Variants in ATP11A observed in about 807,000 individuals in gnomAD.
ATP11A encodes the protein phospholipid-transporting ATPase IH.
Under a neutral mutation model 154.4 loss-of-function variants are expected in ATP11A, and 81 were observed. That is an observed-to-expected ratio of 0.52 (90% confidence interval 0.44 to 0.63). ATP11A has a LOEUF of 0.63. ATP11A is among the 30% of genes least tolerant of loss of function. The pLI is 0.00. For missense variants in ATP11A, 1,316 were observed against 1,474.3 expected, an observed-to-expected ratio of 0.89 and a Z score of 1.76; for synonymous variants, 623 against 585.9, an observed-to-expected ratio of 1.06 and a Z score of -0.91.
intron 1 of ATP11A, among the ~76,000 whole-genome samples, chr13:112,698,748 CA>C (rs1206510705): frequency 1.7e-5 from 1 of 58,950 alleles, no homozygotes; most frequent in African/African-American, 3.0e-5. Context: ...GACAAGGTCT[CA>C]CTCTGTCACC....
At chr13:112,846,470 G>A (rs972163917) in intron 17 of ATP11A, among the ~76,000 whole-genome samples, 5 of 152,152 alleles carry the variant, frequency 3.3e-5, no homozygotes, top group Non-Finnish European at 7.3e-5. Flanking sequence ...TTCCGCCAGC[G>A]TGGTTTTGTA....
chr13:112,863,243 C>A (rs879129160), intron 25 of ATP11A, among the ~76,000 whole-genome samples: 1 of 140,332 alleles, frequency 7.1e-6, no homozygotes, highest in Non-Finnish European at 1.6e-5. Context: ...CCATCACCAC[C>A]TGCGCAGTAA....
intron 1 of ATP11A, among the ~76,000 whole-genome samples, chr13:112,721,371 C>T (rs902902020): frequency 2.6e-5 from 4 of 152,206 alleles, no homozygotes; most frequent in African/African-American, 4.8e-5. Context: ...AAAGAGAAAA[C>T]GTACCTTTGC....
At chr13:112,717,817 C>T (rs1888649731) in intron 1 of ATP11A, 1 of 152,292 alleles carries the variant, frequency 6.6e-6, no homozygotes, top group South Asian at 2.1e-4. Flanking sequence ...CGGCTCACGC[C>T]TGTAACCCCA....
At chr13:112,707,242 C>T (rs1887238582) in intron 1 of ATP11A, among the ~76,000 whole-genome samples, 1 of 152,054 alleles carries the variant, frequency 6.6e-6, no homozygotes, top group African/African-American at 2.4e-5. Flanking sequence ...ATGGTGAAAC[C>T]TTGTCTCTAC....
At chr13:112,694,380 G>T (rs1885542642) in intron 1 of ATP11A, among the ~76,000 whole-genome samples, 1 of 152,222 alleles carries the variant, frequency 6.6e-6, no homozygotes, top group Non-Finnish European at 1.5e-5. Context: ...TGGGCTGCCA[G>T]TGCTGCTGCT....
At chr13:112,864,281 T>A (rs2080237058) in intron 25 of ATP11A, among the ~76,000 whole-genome samples, 2 of 107,600 alleles carry the variant, frequency 1.9e-5, no homozygotes, top group South Asian at 6.9e-4. Flanking sequence ...TGCGCAGTAA[T>A]TCAGTGCGGC....
intron 1 of ATP11A, among the ~76,000 whole-genome samples, chr13:112,752,935 G>T (rs926361054): frequency 7.9e-5 from 12 of 152,148 alleles, no homozygotes; most frequent in African/African-American, 2.7e-4. Context: ...GTTAATGGAG[G>T]GACTGGCTGT....
intron 2 of ATP11A, among the ~76,000 whole-genome samples, chr13:112,793,204 CCTTT>C (rs2077906333): frequency 6.6e-6 from 1 of 151,856 alleles, no homozygotes; most frequent in Admixed American, 6.6e-5. Context: ...AGCCAGGGGC[CCTTT>C]CTTTTCATTT....
intron 16 of ATP11A, among the ~76,000 whole-genome samples, chr13:112,841,961 A>G (rs926975866): frequency 2.0e-5 from 3 of 152,196 alleles, no homozygotes; most frequent in Non-Finnish European, 2.9e-5. Flanking sequence ...GGTCACCCCA[A>G]CGCCCGTCCC....
intron 1 of ATP11A, among the ~76,000 whole-genome samples, chr13:112,740,249 G>A (rs967322847): frequency 9.2e-5 from 14 of 151,420 alleles, no homozygotes; most frequent in African/African-American, 2.9e-4. Flanking sequence ...GTGCTATCTC[G>A]GCTCATTGCA....
chr13:112,816,542 C>CGT (rs2140184814), intron 6 of ATP11A, among the ~76,000 whole-genome samples: 1 of 152,284 alleles, frequency 6.6e-6, no homozygotes, highest in Non-Finnish European at 1.5e-5. Flanking sequence ...CCCTGGCACC[C>CGT]ATGCAGGAGC....
intron 5 of ATP11A, among the ~76,000 whole-genome samples, chr13:112,815,537 C>T (rs2078622871): frequency 6.6e-6 from 1 of 152,258 alleles, no homozygotes; most frequent in South Asian, 2.1e-4. Flanking sequence ...ATGCCTTCCT[C>T]ACTGATGAAA....
intron 13 of ATP11A, among the ~76,000 whole-genome samples, chr13:112,832,436 C>G (rs911964991): frequency 2.0e-5 from 3 of 152,208 alleles, no homozygotes; most frequent in African/African-American, 7.2e-5. Flanking sequence ...GTCTAACACA[C>G]GCTTTGGTTA....
intron 2 of ATP11A, among the ~76,000 whole-genome samples, chr13:112,794,834 C>A (rs1053169132): frequency 6.6e-6 from 1 of 151,952 alleles, no homozygotes; most frequent in Non-Finnish European, 1.5e-5. Flanking sequence ...TGCCAACGCA[C>A]TCCAGCCTGG....
chr13:112,870,579 A>G (rs1055184520), intron 25 of ATP11A, among the ~76,000 whole-genome samples: 2 of 152,122 alleles, frequency 1.3e-5, no homozygotes, highest in South Asian at 4.1e-4. Context: ...GGGTTTCACC[A>G]TGTTGGCCAG....
intron 6 of ATP11A, among the ~76,000 whole-genome samples, chr13:112,817,092 A>G (rs1016116290): frequency 1.3e-5 from 2 of 152,232 alleles, no homozygotes; most frequent in South Asian, 2.1e-4. Flanking sequence ...TTAATTGTCA[A>G]TCATACAAGA....
intron 1 of ATP11A, among the ~76,000 whole-genome samples, chr13:112,774,158 G>A (rs1371577683): frequency 6.6e-6 from 1 of 152,218 alleles, no homozygotes; most frequent in Non-Finnish European, 1.5e-5. Flanking sequence ...TAGACTGCAG[G>A]CTATTTTGAT....
chr13:112,877,785 C>T (rs891111499), intron 28 of ATP11A, among the ~76,000 whole-genome samples: 3 of 152,176 alleles, frequency 2.0e-5, no homozygotes, highest in Non-Finnish European at 2.9e-5. Context: ...TCGGGGCTGC[C>T]GAGGGCCACG....
Sources: allele counts gnomAD v4.1 joint callset (sites outside exome capture counted in the v4.1 genomes callset), GRCh38; gene constraint gnomAD v4.1.1; transcripts MANE v1.5; gene names NCBI Gene and HGNC (gene_info 2026-07-23, HGNC 2026-07-21).